Variants in PRKG1 observed in about 807,000 individuals in gnomAD.
PRKG1 encodes protein kinase cGMP-dependent 1.
In PRKG1, 35 loss-of-function variants were observed where a neutral mutation model predicts 88.1. That is an observed-to-expected ratio of 0.40 (90% CI 0.30 to 0.53). The LOEUF is 0.53. Ranked by LOEUF, PRKG1 falls within the 20% of genes least tolerant of loss-of-function variation. PRKG1 has a pLI of 0.59. For synonymous variants in PRKG1, 303 were observed against 292.5 expected (o/e 1.04, Z -0.37); for missense variants, 540 against 839.8 (o/e 0.64, Z 4.41).
intron 2 of PRKG1, among the ~76,000 whole-genome samples, chr10:51,329,917 G>A (rs1370776808): frequency 7.0e-6 from 1 of 143,840 alleles, no homozygotes; most frequent in African/African-American, 2.6e-5. Context: ...ATTGTACTAT[G>A]TCTTAGGGAA....
intron 7 of PRKG1, among the ~76,000 whole-genome samples, chr10:52,115,857 C>A (rs552087117): frequency 6.6e-6 from 1 of 151,984 alleles, no homozygotes; most frequent in Non-Finnish European, 1.5e-5. Context: ...ATACAGGATA[C>A]CTGGTTAAAT....
At position 51,482,846 on chromosome 10, in the gene PRKG1, A is replaced by C. The variant is rs576164602; in HGVS notation, c.592+15010A>C. On this transcript the variant is annotated intron_variant, in intron 3 of 17. Transcript: ENST00000373980. ...ATATTTCACGGGTAAGGCTTACATC[A>C]GGTAATATATGTCAAATGTGGAGTG... 3.9e-5 allele frequency among the ~76,000 whole-genome samples: 6 copies of C among 152,260 alleles called. No individual in the cohort carries two copies. The East Asian group carries it at 1.2e-3, about 29-fold the overall frequency.
intron 1 of PRKG1, among the ~76,000 whole-genome samples, chr10:51,106,166 A>G (rs1589156257): frequency 6.6e-6 from 1 of 152,236 alleles, no homozygotes; most frequent in Non-Finnish European, 1.5e-5. Flanking sequence ...AAGCCTCTCT[A>G]TGCCTCAGTT....
At position 51,499,668 on chromosome 10, in the gene PRKG1, G is replaced by A. The variant is rs562682236; in HGVS notation, c.592+31832G>A. On this transcript the variant is annotated intron_variant, in intron 3 of 17. Transcript: ENST00000373980. ...GTACACATCACTGTGAGCCAAGTGT[G>A]GTGGCTCAGGCCTGTAATCCCAGCA... Among the ~76,000 whole-genome samples the A allele has an allele frequency of 2.0e-5, 3 of 152,276 alleles. No individual in the cohort carries two copies. The East Asian group carries it at 5.8e-4, about 29-fold the overall frequency.
At chr10:51,158,101 C>A (rs1363263472) in intron 2 of PRKG1, among the ~76,000 whole-genome samples, 1 of 151,798 alleles carries the variant, frequency 6.6e-6, no homozygotes, top group East Asian at 1.9e-4. Context: ...CTACAGAATA[C>A]TAGAACTTAC....
chr10:51,416,851 A>T (rs191530273), intron 2 of PRKG1, among the ~76,000 whole-genome samples: 4 of 152,268 alleles, frequency 2.6e-5, no homozygotes, highest in East Asian at 1.9e-4. Context: ...CACGGATGTG[A>T]CTCTTAGAAT....
At chr10:52,113,545 G>T (rs966532547) in intron 7 of PRKG1, among the ~76,000 whole-genome samples, 3 of 152,086 alleles carry the variant, frequency 2.0e-5, no homozygotes, top group Non-Finnish European at 4.4e-5. Flanking sequence ...CAATCTTGGG[G>T]TAGATTGAAG....
At chr10:51,931,219 G>T (rs1330457199) in intron 5 of PRKG1, among the ~76,000 whole-genome samples, 1 of 152,158 alleles carries the variant, frequency 6.6e-6, no homozygotes, top group Admixed American at 6.5e-5. Context: ...CCTATTATTA[G>T]ACCATCTTTT....
chr10:52,068,935 G>A (rs1846427044), intron 7 of PRKG1, among the ~76,000 whole-genome samples: 1 of 129,884 alleles, frequency 7.7e-6, no homozygotes. Context: ...GCCAAGTGCA[G>A]CCCTGAGTTA....
rs1842088203 is a variant in PRKG1, at chr10:51,906,444, G to C, written c.699-1063G>C. 2.6e-5 allele frequency among the ~76,000 whole-genome samples: 4 copies of C among 152,136 alleles called. No individual in the cohort carries two copies. In the South Asian group the frequency reaches 8.3e-4, roughly 32 times the overall value. The stretch of plus-strand genomic sequence containing the variant: ...TTTAGGGGGACAGAAGTTACAGGCA[G>C]ACATCCATCAGTACATATAAGGTAT... On this transcript the variant is annotated intron_variant, in intron 4 of 17. Transcript: ENST00000373980.
At chr10:51,988,902 T>A (rs1844230807) in intron 5 of PRKG1, among the ~76,000 whole-genome samples, 1 of 152,154 alleles carries the variant, frequency 6.6e-6, no homozygotes, top group Non-Finnish European at 1.5e-5. Flanking sequence ...TAAATATAAA[T>A]CTTTTATGTT....
At chr10:52,177,888 TC>T (rs1018792687) in intron 9 of PRKG1, among the ~76,000 whole-genome samples, 2 of 151,862 alleles carry the variant, frequency 1.3e-5, no homozygotes, top group Non-Finnish European at 2.9e-5. Flanking sequence ...CTTTTTTTTT[TC>T]CTTAGTCTAG....
intron 3 of PRKG1, among the ~76,000 whole-genome samples, chr10:51,507,415 GT>G (rs201321153): frequency 0.069 from 10,576 of 152,180 alleles, 520 homozygotes; most frequent in East Asian, 0.12. Context: ...AAGAAAACGT[GT>G]GTGGGAATTT....
At chr10:52,242,371 A>G (rs562605624) in intron 9 of PRKG1, 20 of 152,322 alleles carry the variant, frequency 1.3e-4, no homozygotes, top group Middle Eastern at 3.4e-3. Context: ...GCATTTATAT[A>G]AAGGAAATAT....
At chr10:52,031,254 G>T (rs999592227) in intron 5 of PRKG1, among the ~76,000 whole-genome samples, 11 of 152,182 alleles carry the variant, frequency 7.2e-5, no homozygotes, top group African/African-American at 1.9e-4. Flanking sequence ...ATGAGCATAT[G>T]TAGCACCTGT....
intron 4 of PRKG1, among the ~76,000 whole-genome samples, chr10:51,854,927 T>C (rs1480488511): frequency 6.6e-6 from 1 of 152,140 alleles, no homozygotes; most frequent in African/African-American, 2.4e-5. Context: ...GTGGTTTAAA[T>C]AGATGAGAGA....
chr10:51,374,081 G>GC (rs1268376267), intron 2 of PRKG1, among the ~76,000 whole-genome samples: 2 of 47,200 alleles, frequency 4.2e-5, no homozygotes, highest in African/African-American at 1.3e-4. Flanking sequence ...GGCAGAGGTT[G>GC]CAAAAAAAAA....
At chr10:52,167,556 C>A (rs1203939402) in intron 9 of PRKG1, among the ~76,000 whole-genome samples, 2 of 151,530 alleles carry the variant, frequency 1.3e-5, no homozygotes, top group African/African-American at 4.9e-5. Context: ...GACTTCTAGA[C>A]TGATTTGAGT....
rs528501018 is a variant in PRKG1 at position 51,490,356 on chromosome 10, C to T, written c.592+22520C>T. On this transcript the variant is annotated intron_variant, in intron 3 of 17. Coordinates refer to ENST00000373980, the MANE Select transcript of PRKG1 (RefSeq NM_006258.4). ...TACATTTACTAATATGTATTTAGCA[C>T]GTACTATAATGCAGCAACATAAGTG... Among the ~76,000 whole-genome samples the T allele has an allele frequency of 1.4e-4, 22 of 152,162 alleles. No individual in the cohort carries two copies. The East Asian group carries it at 1.9e-3, about 13-fold the overall frequency.
Sources: allele counts gnomAD v4.1 joint callset (sites outside exome capture counted in the v4.1 genomes callset), GRCh38; gene constraint gnomAD v4.1.1; transcripts MANE v1.5; gene names NCBI Gene and HGNC (gene_info 2026-07-23, HGNC 2026-07-21).